ARMC2: variants seen among roughly 807,000 people sequenced by gnomAD.
ARMC2 encodes armadillo repeat containing 2.
In ARMC2, 67 loss-of-function variants were observed where a neutral mutation model predicts 90.3. The observed-to-expected ratio is 0.74, with a 90% CI of 0.61 to 0.91. The LOEUF is 0.91. Among genes scored for constraint, ARMC2 ranks in the 40% least tolerant of loss-of-function variants. ARMC2 has a pLI of 0.00. For missense variants in ARMC2, 920 were observed against 1,030.9 expected, an observed-to-expected ratio of 0.89 and a Z score of 1.47; for synonymous variants, 393 against 393.0, an observed-to-expected ratio of 1.00 and a Z score of 0.00.
chr6:108,927,758 A>G (rs1775222502), intron 10 of ARMC2, among the ~76,000 whole-genome samples: 1 of 152,166 alleles, frequency 6.6e-6, no homozygotes, highest in Admixed American at 6.5e-5. Context: ...TCTAATCTGC[A>G]GAACTGATGT....
rs574344955 is a variant in ARMC2 at position 108,945,093 on chromosome 6, C to G, written c.1597-7940C>G. 2.0e-5 allele frequency among the ~76,000 whole-genome samples: 3 copies of G among 152,154 alleles called. No homozygotes were observed. The South Asian group carries it at 6.2e-4, about 32-fold the overall frequency. On this transcript the variant is annotated intron_variant, in intron 12 of 17. Transcript: ENST00000392644. Reference sequence around the variant, plus strand: ...GCCAAAATTCAATTAAATGACAAATCTCATTTAAGAAATGTGCACATATTG... The same window carrying G: ...GCCAAAATTCAATTAAATGACAAATGTCATTTAAGAAATGTGCACATATTG...
At chr6:108,877,631 T>C (rs145966893) in intron 5 of ARMC2, among the ~76,000 whole-genome samples, 1 of 152,334 alleles carries the variant, frequency 6.6e-6, no homozygotes, top group African/African-American at 2.4e-5. Flanking sequence ...AAAACTTGTG[T>C]TTCTTTCAGT....
chr6:108,870,513 G>A (rs534718627), intron 4 of ARMC2, among the ~76,000 whole-genome samples: 18 of 147,222 alleles, frequency 1.2e-4, no homozygotes, highest in Non-Finnish European at 2.3e-4. Context: ...GAGAGAAAGA[G>A]AGAGACAGAA....
the ARMC2 span, among the ~76,000 whole-genome samples, chr6:108,994,092 A>G: frequency 6.7e-6 from 1 of 150,224 alleles, no homozygotes. Context: ...GTGAGCTACA[A>G]TCACGCCACT....
At chr6:108,881,139 C>T (rs1347779407) in intron 5 of ARMC2, among the ~76,000 whole-genome samples, 1 of 152,072 alleles carries the variant, frequency 6.6e-6, no homozygotes, top group Non-Finnish European at 1.5e-5. Flanking sequence ...CAGGCGTGAG[C>T]CACCGTGGCT....
At chr6:108,931,856 C>G (rs576410489) in intron 11 of ARMC2, among the ~76,000 whole-genome samples, 1 of 151,820 alleles carries the variant, frequency 6.6e-6, no homozygotes, top group African/African-American at 2.4e-5. Context: ...CTCTGCCTCC[C>G]AGGTTCAAGC....
intron 13 of ARMC2, among the ~76,000 whole-genome samples, chr6:108,956,659 C>G (rs1777606674): frequency 6.6e-6 from 1 of 152,022 alleles, no homozygotes; most frequent in Admixed American, 6.5e-5. Flanking sequence ...CATGCTTACA[C>G]CACTGCACTC....
the ARMC2 span, among the ~76,000 whole-genome samples, chr6:109,039,011 GAGAA>G: frequency 8.1e-5 from 12 of 147,434 alleles, no homozygotes; most frequent in Non-Finnish European, 1.0e-4. Flanking sequence ...AAAGAAGAAA[GAGAA>G]AGAAAGAAAA....
the ARMC2 span, among the ~76,000 whole-genome samples, chr6:108,987,888 C>T: frequency 6.6e-6 from 1 of 150,880 alleles, no homozygotes; most frequent in Non-Finnish European, 1.5e-5. Flanking sequence ...CTACAACCTC[C>T]ACCTCCTGGG....
At chr6:108,989,495 C>A in the ARMC2 span, among the ~76,000 whole-genome samples, 1 of 137,676 alleles carries the variant, frequency 7.3e-6, no homozygotes, top group Non-Finnish European at 1.6e-5. Flanking sequence ...ATCTCTAGAT[C>A]TAGAGATATC....
At chr6:108,850,653 A>AT (rs1269697637) in intron 1 of ARMC2, among the ~76,000 whole-genome samples, 6 of 152,254 alleles carry the variant, frequency 3.9e-5, no homozygotes, top group Admixed American at 3.3e-4. Context: ...AGATTTCATA[A>AT]TTCACTGTAA....
chr6:108,985,243 T>C, the ARMC2 span, among the ~76,000 whole-genome samples: 1 of 152,164 alleles, frequency 6.6e-6, no homozygotes, highest in Non-Finnish European at 1.5e-5. Flanking sequence ...TTAGAGATGA[T>C]AAAGTTTGGC....
chr6:109,024,905 T>C, the ARMC2 span, among the ~76,000 whole-genome samples: 2 of 152,160 alleles, frequency 1.3e-5, no homozygotes, highest in African/African-American at 2.4e-5. Context: ...ATTGGAGACC[T>C]GTGTGTAAGA....
At chr6:108,870,881 A>G (rs984260272) in intron 4 of ARMC2, among the ~76,000 whole-genome samples, 2 of 149,162 alleles carry the variant, frequency 1.3e-5, no homozygotes, top group Non-Finnish European at 3.0e-5. Flanking sequence ...GGAGATAGAC[A>G]ATGACAGGAG....
At chr6:108,985,382 T>TA in the ARMC2 span, among the ~76,000 whole-genome samples, 1 of 152,216 alleles carries the variant, frequency 6.6e-6, no homozygotes, top group Non-Finnish European at 1.5e-5. Flanking sequence ...GGGGAAGGTT[T>TA]TGATATCCCC....
At chr6:108,884,876 C>T (rs190182317) in intron 5 of ARMC2, among the ~76,000 whole-genome samples, 103 of 152,240 alleles carry the variant, frequency 6.8e-4, no homozygotes, top group East Asian at 5.2e-3. Flanking sequence ...GAAGGGAGCA[C>T]GGCACCAGGG....
chr6:108,858,843 G>A (rs953402547), intron 3 of ARMC2, among the ~76,000 whole-genome samples: 1 of 152,088 alleles, frequency 6.6e-6, no homozygotes, highest in African/African-American at 2.4e-5. Flanking sequence ...ACTTCCCAAT[G>A]CCACACTGTC....
At chr6:108,889,006 A>C (rs1304519780) in intron 5 of ARMC2, among the ~76,000 whole-genome samples, 1 of 152,080 alleles carries the variant, frequency 6.6e-6, no homozygotes, top group East Asian at 1.9e-4. Flanking sequence ...ACCCATGGAA[A>C]CCTTCTATGA....
intron 9 of ARMC2, among the ~76,000 whole-genome samples, chr6:108,911,896 G>A (rs1773473682): frequency 6.6e-6 from 1 of 152,060 alleles, no homozygotes; most frequent in Non-Finnish European, 1.5e-5. Flanking sequence ...TATCTTTCTA[G>A]GGTGATTGAG....
Sources: gnomAD v4.1 joint callset for allele counts (sites outside exome capture counted in the v4.1 genomes callset) on GRCh38, gnomAD v4.1.1 for gene constraint, MANE v1.5 for transcripts, NCBI Gene and HGNC (gene_info 2026-07-23, HGNC 2026-07-21) for gene names.